The following LDLRAD4 variants were observed in gnomAD, a reference collection of about 807,000 sequenced individuals.
LDLRAD4 encodes the protein low-density lipoprotein receptor class A domain-containing protein 4.
LDLRAD4 carries 5 observed loss-of-function variants against 17.0 expected under a neutral mutation model. The observed-to-expected ratio is 0.29, with a 90% CI of 0.15 to 0.62. LDLRAD4 has a LOEUF of 0.62. LDLRAD4 is among the 20% of genes least tolerant of loss of function. The pLI is 0.84. For missense variants in LDLRAD4, 340 were observed against 424.7 expected (o/e 0.80, Z 1.75); for synonymous variants, 168 against 171.8 (o/e 0.98, Z 0.17).
intron 3 of LDLRAD4, among the ~76,000 whole-genome samples, chr18:13,527,113 CAGG>C (rs2094044725): frequency 6.6e-6 from 1 of 152,230 alleles, no homozygotes; most frequent in Non-Finnish European, 1.5e-5. Context: ...TGTCCTGGTG[CAGG>C]TTCCCTGTAA....
At chr18:13,391,010 G>A (rs1403977168) in intron 2 of LDLRAD4, among the ~76,000 whole-genome samples, 2 of 152,210 alleles carry the variant, frequency 1.3e-5, no homozygotes, top group Non-Finnish European at 2.9e-5. Context: ...GGGTGAAGGT[G>A]TAGCTTTAGA....
exon 6 of LDLRAD4, chr18:13,652,548 G>GA (rs1286412521): frequency 7.9e-5 from 12 of 152,612 alleles, no homozygotes; most frequent in Non-Finnish European, 1.0e-4. Context: ...GTTATATACA[G>GA]AAAAAGATTT....
chr18:13,307,356 T>G (rs1286027267), intron 1 of LDLRAD4, among the ~76,000 whole-genome samples: 7 of 152,198 alleles, frequency 4.6e-5, no homozygotes, highest in Non-Finnish European at 7.3e-5. Context: ...TTTATGATGG[T>G]TCACTTCCAC....
chr18:13,405,949 C>G (rs561431893), intron 2 of LDLRAD4, among the ~76,000 whole-genome samples: 3 of 152,312 alleles, frequency 2.0e-5, no homozygotes, highest in Admixed American at 2.0e-4. Flanking sequence ...AGAGACAATT[C>G]CTTCCTAAGT....
chr18:13,592,358 CT>C (rs1174998623), intron 3 of LDLRAD4, among the ~76,000 whole-genome samples: 1 of 152,210 alleles, frequency 6.6e-6, no homozygotes, highest in Non-Finnish European at 1.5e-5. Flanking sequence ...CTATTCTGTT[CT>C]TTCTTTTAAA....
At chr18:13,595,875 T>C (rs2095089447) in intron 3 of LDLRAD4, among the ~76,000 whole-genome samples, 1 of 152,264 alleles carries the variant, frequency 6.6e-6, no homozygotes, top group Non-Finnish European at 1.5e-5. Flanking sequence ...GAGGTCCATC[T>C]GTTAGGTTTA....
chr18:13,620,091 G>A (rs967388231), intron 3 of LDLRAD4, among the ~76,000 whole-genome samples: 1 of 152,100 alleles, frequency 6.6e-6, no homozygotes, highest in Non-Finnish European at 1.5e-5. Context: ...GGCAGCAGAC[G>A]CACACAGTCG....
In LDLRAD4 at chr18:13,350,475, G is replaced by A. The variant is rs190601110; in HGVS notation, c.-382-36866G>A. Among the ~76,000 whole-genome samples, 760 of 152,010 alleles carry A rather than the reference G, an allele frequency of 5.0e-3. 9 individuals carry two copies. Among genetic ancestry groups the A allele is most frequent in the African/African-American group, 0.018 (729 of 41,520 alleles). On this transcript the variant is annotated intron_variant, in intron 1 of 5. Transcript: ENST00000359446. ...ATCCTTTGCCCACTTTTTGATGGGG[G>A]TATTTGTGTTTTTCTTGTACATTTC...
At chr18:13,482,750 A>T (rs1204463545) in intron 3 of LDLRAD4, among the ~76,000 whole-genome samples, 1 of 152,182 alleles carries the variant, frequency 6.6e-6, no homozygotes, top group African/African-American at 2.4e-5. Flanking sequence ...GTGACAAGTT[A>T]TGGGAAGGTG....
At chr18:13,332,460 C>T (rs552917756) in intron 1 of LDLRAD4, among the ~76,000 whole-genome samples, 2 of 152,184 alleles carry the variant, frequency 1.3e-5, no homozygotes, top group Non-Finnish European at 2.9e-5. Flanking sequence ...TGGTGTTGTA[C>T]ATTCTGTGAG....
intron 2 of LDLRAD4, among the ~76,000 whole-genome samples, chr18:13,430,966 G>A (rs1365028521): frequency 6.6e-6 from 1 of 152,218 alleles, no homozygotes; most frequent in East Asian, 1.9e-4. Context: ...TGATCCTCAT[G>A]AAGAAGGACT....
At chr18:13,644,752 C>T (rs1282298820) in intron 5 of LDLRAD4, 1 of 201,168 alleles carries the variant, frequency 5.0e-6, no homozygotes, top group Non-Finnish European at 9.9e-6. Context: ...GTGACCAGAT[C>T]CAAGTGCAGG....
At chr18:13,613,314 G>A (rs2039778081) in intron 3 of LDLRAD4, 2 of 152,610 alleles carry the variant, frequency 1.3e-5, no homozygotes, top group South Asian at 4.1e-4. Context: ...TGGGATGAGA[G>A]CCTCAGAAGC....
chr18:13,243,478 C>T (rs779182503), intron 1 of LDLRAD4, among the ~76,000 whole-genome samples: 2 of 151,592 alleles, frequency 1.3e-5, no homozygotes, highest in Non-Finnish European at 2.9e-5. Flanking sequence ...GTCCTTCCAT[C>T]CGTGCACCTA....
intron 3 of LDLRAD4, among the ~76,000 whole-genome samples, chr18:13,544,355 C>T (rs770396492): frequency 3.9e-5 from 6 of 152,172 alleles, no homozygotes; most frequent in Non-Finnish European, 5.9e-5. Context: ...AAATAGCAGA[C>T]GCTGTGCTTT....
chr18:13,404,237 T>C (rs4797769), intron 2 of LDLRAD4, among the ~76,000 whole-genome samples: 113,086 of 152,180 alleles, frequency 0.74, 42,130 homozygotes, highest in Admixed American at 0.8. Flanking sequence ...CACAGGCCCC[T>C]TCCCCTGGGG....
chr18:13,387,706 C>G, exon 2 of LDLRAD4: 1 of 1,613,542 alleles, frequency 6.2e-7, no homozygotes, highest in Non-Finnish European at 8.5e-7. Context: ...GGAGCACAGG[C>G]TTGTCCGGGG....
At chr18:13,607,658 A>G (rs1450360243) in intron 3 of LDLRAD4, among the ~76,000 whole-genome samples, 5 of 151,124 alleles carry the variant, frequency 3.3e-5, no homozygotes, top group East Asian at 1.9e-4. Flanking sequence ...ATGTGTTCTC[A>G]TTGTTCAACT....
chr18:13,577,584 C>T (rs559391460), intron 3 of LDLRAD4, among the ~76,000 whole-genome samples: 2 of 151,944 alleles, frequency 1.3e-5, no homozygotes, highest in African/African-American at 4.8e-5. Flanking sequence ...AAAACTAAAA[C>T]GGGAAGTCAT....
Sources: gnomAD v4.1 joint callset for allele counts (sites outside exome capture counted in the v4.1 genomes callset) on GRCh38, gnomAD v4.1.1 for gene constraint, MANE v1.5 for transcripts, NCBI Gene and HGNC (gene_info 2026-07-23, HGNC 2026-07-21) for gene names.